Variants in ADHFE1 observed in about 807,000 individuals in gnomAD.
The protein encoded by ADHFE1 is alcohol dehydrogenase iron containing 1.
Under a neutral mutation model 54.8 loss-of-function variants are expected in ADHFE1, and 37 were observed. The observed-to-expected ratio is 0.68, with a 90% confidence interval of 0.52 to 0.89. The LOEUF is 0.89. ADHFE1 is among the 40% of genes least tolerant of loss of function. The pLI is 0.00. For synonymous variants in ADHFE1, 203 were observed against 229.3 expected, an observed-to-expected ratio of 0.89 and a Z score of 1.04; for missense variants, 601 against 591.2, an observed-to-expected ratio of 1.02 and a Z score of -0.17.
intron 8 of ADHFE1, among the ~76,000 whole-genome samples, chr8:66,450,119 C>G (rs1185303276): frequency 1.3e-5 from 2 of 152,230 alleles, no homozygotes; most frequent in Admixed American, 1.3e-4. Flanking sequence ...GTCTGCTTCC[C>G]TCACTATGTT....
At chr8:66,435,601 A>ATTTTTTTT (rs533571994) in intron 1 of ADHFE1, among the ~76,000 whole-genome samples, 2 of 78,258 alleles carry the variant, frequency 2.6e-5, no homozygotes, top group Non-Finnish European at 4.5e-5. Flanking sequence ...TCATTTCAAG[A>ATTTTTTTT]TTTTTTTTTT....
At position 66,468,901 on chromosome 8, in the gene ADHFE1, T is replaced by C. The variant is rs1299405092; in HGVS notation, c.*549T>C. ...TGTTAATAAAGATGAAGTAAATCTC[T>C]TGGAAATGAGTCCATAATATACTGG... On this transcript the variant is annotated 3_prime_UTR_variant, in exon 14 of 14. Transcript: ENST00000396623. 6.6e-6 allele frequency: 1 copy of C among 152,190 alleles called. No individual in the cohort carries two copies. Among genetic ancestry groups the C allele is most frequent in the Non-Finnish European group, 1.5e-5 (1 of 68,048 alleles). The allele number at this position is 152,190 out of a possible 1,614,324, so 9.4% of individuals were successfully genotyped here. A position where few individuals can be genotyped will look rare whatever the true frequency, so the allele number is the denominator to read the frequency against.
intron 7 of ADHFE1, 42 bp from the exon 8 acceptor site, chr8:66,448,823 T>C (rs2130408931): frequency 6.6e-7 from 1 of 1,504,058 alleles, no homozygotes; most frequent in East Asian, 2.3e-5. Flanking sequence ...CTTAAAATGA[T>C]GCCCATGGCT....
chr8:66,456,553 C>G (rs55932965), intron 10 of ADHFE1, among the ~76,000 whole-genome samples: 3,401 of 152,322 alleles, frequency 0.022, 63 homozygotes, highest in Middle Eastern at 0.048. Context: ...GTTCAGGGAG[C>G]TACTTCTGGA....
intron 10 of ADHFE1, among the ~76,000 whole-genome samples, chr8:66,455,949 A>C (rs561839562): frequency 3.9e-5 from 6 of 152,200 alleles, no homozygotes; most frequent in Non-Finnish European, 8.8e-5. Context: ...AAACCCAAAT[A>C]AACAACAACA....
chr8:66,465,508 T>C (rs1021374795), intron 13 of ADHFE1, among the ~76,000 whole-genome samples: 8 of 152,088 alleles, frequency 5.3e-5, no homozygotes, highest in African/African-American at 1.9e-4. Flanking sequence ...TGGCTATGTA[T>C]ATATATATAT....
chr8:66,443,808 G>A lies in ADHFE1; in HGVS notation c.145-559G>A, dbSNP rs546894966. Among the ~76,000 whole-genome samples, 263 of 151,628 alleles carry A rather than the reference G, an allele frequency of 1.7e-3. 2 individuals are homozygous for A. Among genetic ancestry groups the A allele is most frequent in the African/African-American group, 5.9e-3 (245 of 41,326 alleles). On this transcript the variant is annotated intron_variant, in intron 3 of 13. Coordinates refer to ENST00000396623, the MANE Select transcript of ADHFE1 (RefSeq NM_144650.3). Reference sequence around the variant, plus strand: ...TTAAATTTTTTATCCTGATTTTTAAGCATTATTAGTCAATTCAAAAAAAAA... The same window carrying A: ...TTAAATTTTTTATCCTGATTTTTAAACATTATTAGTCAATTCAAAAAAAAA...
rs1318106204 is a variant in ADHFE1 at position 66,444,596 on chromosome 8, C to G, written c.201C>G (p.Asp67Glu). Residue 67 changes from aspartate (D) to glutamate (E), a missense_variant and splice_region_variant, in exon 5 of 14, where the codon GAC becomes GAG. Transcript: ENST00000396623. ...GAAVTKEVGMDLKNMGAKNVC... is the reference protein window; with the variant it reads ...GAAVTKEVGMELKNMGAKNVC... ...CTAACTTATAGGTTTTCTTGTAGGA[C>G]CTAAAAAACATGGGTGCTAAAAATG... 1 of 1,614,014 alleles carries G rather than the reference C, an allele frequency of 6.2e-7. No individual in the cohort carries two copies. The highest frequency in any genetic ancestry group is 2.2e-5 in the East Asian group (1 of 44,884).
intron 8 of ADHFE1, 33 bp downstream of exon 8, chr8:66,449,003 TA>T (rs2130409869): frequency 6.4e-7 from 1 of 1,559,216 alleles, no homozygotes; most frequent in East Asian, 2.2e-5. Context: ...GGGGCTTTTT[TA>T]GTACTGGGTC....
chr8:66,439,208 C>T lies in ADHFE1; in HGVS notation c.60-954C>T. ...ATCAACCCTTTTCCTTCCTCCCCAA[C>T]CTTCCCCCTCGGGTGTTTTAATTCC... On this transcript the variant is annotated intron_variant, in intron 1 of 13. Coordinates refer to ENST00000396623, the MANE Select transcript of ADHFE1 (RefSeq NM_144650.3). This position sits in a 1 kb window ranked among gnomAD's most constrained non-coding sequence, Gnocchi z 4.4. 1.0e-6 allele frequency: 1 copy of T among 985,486 alleles called. No homozygotes were observed. 61.0% of individuals were successfully genotyped at this position (985,486 alleles called of 1,614,324 possible).
At chr8:66,447,236 TATTAAA>T (rs1806079934) in intron 6 of ADHFE1, 22 bp from the exon 7 acceptor site, 2 of 1,592,356 alleles carry the variant, frequency 1.3e-6, no homozygotes, top group Admixed American at 3.4e-5. Context: ...TTAGATGCTT[TATTAAA>T]ATTAATATTA....
Position 66,439,483 on chromosome 8 carries a change from A to T in ADHFE1, c.60-679A>T. ...GGTTTCCAAAAAGGAGGACGTGGGA[A>T]ATCTGTAGAGAAGTCGACCGAGAAG... On this transcript the variant is annotated intron_variant, in intron 1 of 13. Coordinates refer to ENST00000396623, the MANE Select transcript of ADHFE1 (RefSeq NM_144650.3). This position sits in a 1 kb window ranked among gnomAD's most constrained non-coding sequence, Gnocchi z 4.4. 1 of 986,014 alleles carries T rather than the reference A, an allele frequency of 1.0e-6. No individual in the cohort carries two copies. The highest frequency in any genetic ancestry group is 1.2e-6 in the Non-Finnish European group (1 of 830,304). The allele number at this position is 986,014 out of a possible 1,614,324, so 61.1% of individuals were successfully genotyped here.
chr8:66,443,706 A>G (rs570517551), intron 3 of ADHFE1, among the ~76,000 whole-genome samples: 1 of 152,316 alleles, frequency 6.6e-6, no homozygotes, highest in Non-Finnish European at 1.5e-5. Flanking sequence ...ACTCAACCTT[A>G]TAAGATCACT....
intron 13 of ADHFE1, among the ~76,000 whole-genome samples, chr8:66,462,774 T>C (rs1187994182): frequency 6.6e-6 from 1 of 152,222 alleles, no homozygotes; most frequent in African/African-American, 2.4e-5. Context: ...TGACAGGTGT[T>C]TACTCTTCTA....
At chr8:66,446,666 A>C (rs1326975322) in intron 6 of ADHFE1, among the ~76,000 whole-genome samples, 9 of 152,248 alleles carry the variant, frequency 5.9e-5, no homozygotes, top group Admixed American at 5.9e-4. Flanking sequence ...ATGCAGAAGC[A>C]GGCAATATGC....
At chr8:66,458,796 C>A (rs1245800582) in intron 12 of ADHFE1, among the ~76,000 whole-genome samples, 1 of 152,158 alleles carries the variant, frequency 6.6e-6, no homozygotes, top group East Asian at 1.9e-4. Flanking sequence ...CTGATGTATT[C>A]TTTTTCCTAC....
chr8:66,434,348 C>T (rs942861684), intron 1 of ADHFE1, among the ~76,000 whole-genome samples: 8 of 152,128 alleles, frequency 5.3e-5, no homozygotes, highest in African/African-American at 1.9e-4. Context: ...ATGTATTGTT[C>T]TGGGGCTCAA....
In ADHFE1 at chr8:66,460,317, C is replaced by T. The variant is rs779640569; in HGVS notation, c.1172C>T (p.Thr391Ile). The change falls in exon 13 of 14, where the codon ACC becomes ATC. Residue 391 changes from threonine (T) to isoleucine (I), a missense_variant. Transcript: ENST00000396623. The stretch of plus-strand genomic sequence containing the variant: ...ACTTTATGTCTTCTAGGAGCCGACA[C>T]CCGCACTGCCAGGATCCAAGATGCA... ...LEMAEILGAD[T>I]RTARIQDAGL... 29 of 1,614,132 alleles carry T rather than the reference C, an allele frequency of 1.8e-5. No individual in the cohort carries two copies. The South Asian group carries it at 3.2e-4, about 18-fold the overall frequency.
chr8:66,436,373 CA>C (rs1805468463), intron 1 of ADHFE1, among the ~76,000 whole-genome samples: 1 of 152,106 alleles, frequency 6.6e-6, no homozygotes. Flanking sequence ...ATGCAGAGAG[CA>C]AACCCTGTGG....
Sources: gnomAD v4.1 joint callset for allele counts (sites outside exome capture counted in the v4.1 genomes callset) on GRCh38, gnomAD v4.1.1 for gene constraint, Gnocchi (gnomAD v3.1) non-coding constraint, MANE v1.5 for transcripts, NCBI Gene and HGNC (gene_info 2026-07-23, HGNC 2026-07-21) for gene names.